Variants in RAP1GAP observed in about 807,000 individuals in gnomAD.
RAP1GAP encodes the protein rap1 GTPase-activating protein 1.
RAP1GAP carries 35 observed loss-of-function variants against 87.2 expected under a neutral mutation model. The ratio of observed to expected loss-of-function variants is 0.40; its 90% CI spans 0.31 to 0.53. RAP1GAP has a LOEUF of 0.53. RAP1GAP is among the 20% of genes least tolerant of loss of function. RAP1GAP has a pLI of 0.48. For synonymous variants in RAP1GAP, 375 were observed against 363.9 expected (o/e 1.03, Z -0.35); for missense variants, 734 against 898.9 (o/e 0.82, Z 2.35).
chr1:21,626,609 G>C (rs937466076), intron 2 of RAP1GAP, among the ~76,000 whole-genome samples: 1 of 152,174 alleles, frequency 6.6e-6, no homozygotes, highest in African/African-American at 2.4e-5. Flanking sequence ...GACGTGGACA[G>C]GGTCTCTCCC....
chr1:21,608,437 C>T (rs959909404), intron 16 of RAP1GAP, 87 bp from the exon 17 acceptor site: 3 of 1,517,322 alleles, frequency 2.0e-6, no homozygotes, highest in Admixed American at 2.0e-5. Context: ...TTCTGAGGCA[C>T]GGGCCACCTT....
intron 1 of RAP1GAP, among the ~76,000 whole-genome samples, chr1:21,667,089 C>T (rs546312207): frequency 6.6e-6 from 1 of 152,220 alleles, no homozygotes; most frequent in Admixed American, 6.5e-5. Context: ...GCTCAGGTCT[C>T]GGTTGTTTGC....
chr1:21,608,247 C>T lies in RAP1GAP; in HGVS notation c.1262G>A (p.Gly421Asp). 1 of 1,614,118 alleles carries T rather than the reference C, an allele frequency of 6.2e-7. No individual in the cohort carries two copies. Among genetic ancestry groups the T allele is most frequent in the South Asian group, 1.1e-5 (1 of 91,074 alleles). The stretch of plus-strand genomic sequence containing the variant: ...CTCAAAGAAGCCGCCGCCCCCACTG[C>T]CATTCTCCATCTTGTCCTCGTCGCC... Reference protein sequence around the residue: ...LGGDEDKMENGSGGGGFFESF... With the variant: ...LGGDEDKMENDSGGGGFFESF... Residue 421 changes from glycine (G) to aspartate (D), a missense_variant, in exon 17 of 25, where the codon GGC becomes GAC. This residue lies in a region of RAP1GAP where 485 missense variants were observed against 646.2 expected (regional missense o/e 0.75). Coordinates refer to ENST00000374765, the MANE Select transcript of RAP1GAP (RefSeq NM_002885.4).
chr1:21,669,140 C>G lies in RAP1GAP; in HGVS notation c.-149+114G>C. 1 of 1,137,562 alleles carries G rather than the reference C, an allele frequency of 8.8e-7. No individual in the cohort carries two copies. The highest frequency in any genetic ancestry group is 1.1e-6 in the Non-Finnish European group (1 of 904,628). 70.5% of individuals were successfully genotyped at this position (1,137,562 alleles called of 1,614,324 possible). ...ACCCGGGTCCCCCACGCGTTCGCCC[C>G]CACCCTCCGTCCCCGCCCGCCCGCG... On this transcript the variant is annotated intron_variant, in intron 1 of 24. Transcript: ENST00000374765. The surrounding 1 kb of genome is among the most constrained non-coding windows in gnomAD (Gnocchi z 5.6).
chr1:21,613,767 AC>A lies in RAP1GAP; in HGVS notation c.396-62del, dbSNP rs1182346451. On this transcript the variant is annotated intron_variant, in intron 8 of 24. Transcript: ENST00000374765. This position sits in a 1 kb window ranked among gnomAD's most constrained non-coding sequence, Gnocchi z 4.7. ...AGCAGGACAGGAAAATGGGAACCCC[AC>A]CCCCCACAAAGTAAGGCCAGAAGGG... 5 of 1,493,440 alleles carry A rather than the reference AC, an allele frequency of 3.3e-6. No homozygotes were observed. The highest frequency in any genetic ancestry group is 2.8e-5 in the African/African-American group (2 of 72,416). 92.5% of individuals were successfully genotyped at this position (1,493,440 alleles called of 1,614,324 possible).
rs1236523415 is a variant in RAP1GAP at position 21,634,091 on chromosome 1, T to C, written c.-112-7694A>G. 1.3e-5 allele frequency among the ~76,000 whole-genome samples: 2 copies of C among 151,524 alleles called. No individual in the cohort carries two copies. The highest frequency in any genetic ancestry group is 4.9e-5 in the African/African-American group (2 of 41,154). ...GGGGGGGGCCACAGAAGCCCATTGT[T>C]TTCTGAGCTCAACCAGCCGGCACTG... On this transcript the variant is annotated intron_variant, in intron 2 of 24. Transcript: ENST00000374765. The surrounding 1 kb of genome is among the most constrained non-coding windows in gnomAD (Gnocchi z 4.1).
chr1:21,653,675 TAGC>T (rs573247587), intron 1 of RAP1GAP, among the ~76,000 whole-genome samples: 4 of 150,186 alleles, frequency 2.7e-5, no homozygotes, highest in Non-Finnish European at 5.9e-5. Flanking sequence ...TCCTAAGTAG[TAGC>T]AGCAGCAGCA....
chr1:21,598,631 G>C, intron 21 of RAP1GAP, 129 bp from the exon 22 acceptor site: 1 of 749,912 alleles, frequency 1.3e-6, no homozygotes, highest in Non-Finnish European at 2.2e-6. Context: ...AGGAGGACGG[G>C]CCTAGCCATG....
intron 5 of RAP1GAP, 24 bp from the exon 6 acceptor site, chr1:21,617,996 G>A: frequency 6.2e-7 from 1 of 1,613,994 alleles, no homozygotes; most frequent in Non-Finnish European, 8.5e-7. Context: ...ACAGGGCAAG[G>A]GTCTCTCCAT....
At chr1:21,664,508 C>G (rs1198390733) in intron 1 of RAP1GAP, among the ~76,000 whole-genome samples, 1 of 152,218 alleles carries the variant, frequency 6.6e-6, no homozygotes, top group Non-Finnish European at 1.5e-5. Flanking sequence ...ACCCCCAGCC[C>G]TTGCCCACGC....
intron 7 of RAP1GAP, among the ~76,000 whole-genome samples, chr1:21,616,692 T>C (rs2082390160): frequency 6.6e-6 from 1 of 152,226 alleles, no homozygotes; most frequent in Non-Finnish European, 1.5e-5. Context: ...GGGTCCCTGC[T>C]CTGTGCTGGT....
In RAP1GAP at chr1:21,660,345, A is replaced by ATATATATTTATT; in HGVS notation, c.-149+8908_-149+8909insAATAAATATATA. On this transcript the variant is annotated intron_variant, in intron 1 of 24. Coordinates refer to ENST00000374765, the MANE Select transcript of RAP1GAP (RefSeq NM_002885.4). ...AGAGTGGGTTCCAACTCAGCTATATATATTTATTGAGACAGTCTCGCTCTG... is the reference window on the plus strand; with the variant it reads ...AGAGTGGGTTCCAACTCAGCTATATATATATATTTATTTATTTATTGAGACAGTCTCGCTCTG... 2.2e-5 allele frequency among the ~76,000 whole-genome samples: 2 copies of ATATATATTTATT among 92,636 alleles called. 1 individual carries two copies. The highest frequency in any genetic ancestry group is 1.1e-3 in the East Asian group (2 of 1,898). 60.8% of individuals were successfully genotyped at this position (92,636 alleles called of 152,430 possible).
At chr1:21,599,446 C>G in intron 21 of RAP1GAP, 48 bp downstream of exon 21, 1 of 1,572,686 alleles carries the variant, frequency 6.4e-7, no homozygotes, top group Non-Finnish European at 8.6e-7. Flanking sequence ...GACCAAAGAG[C>G]CCCCTTCCAA....
At chr1:21,605,608 C>T (rs529965442) in intron 18 of RAP1GAP, among the ~76,000 whole-genome samples, 1 of 151,768 alleles carries the variant, frequency 6.6e-6, no homozygotes, top group South Asian at 2.1e-4. Context: ...TCACAGAGTG[C>T]ATGTCCACAC....
rs568071191 is a variant in RAP1GAP at position 21,601,674 on chromosome 1, G to A, written c.1652+10C>T. On this transcript the variant is annotated intron_variant, in intron 20 of 24. Coordinates refer to ENST00000374765, the MANE Select transcript of RAP1GAP (RefSeq NM_002885.4). ...CAAGCCCCCAAGCCCCACGTGCCCTGAGCCCCAACCTGTTCTTGGTCGTGG... is the reference window on the plus strand; with the variant it reads ...CAAGCCCCCAAGCCCCACGTGCCCTAAGCCCCAACCTGTTCTTGGTCGTGG... 6.9e-6 allele frequency: 11 copies of A among 1,587,414 alleles called. No homozygotes were observed. The highest frequency in any genetic ancestry group is 2.2e-5 in the East Asian group (1 of 44,452).
chr1:21,633,252 A>G (rs533417549), intron 2 of RAP1GAP, among the ~76,000 whole-genome samples: 2 of 152,078 alleles, frequency 1.3e-5, no homozygotes, highest in African/African-American at 2.4e-5. Context: ...CAGTGGGTCC[A>G]GCCCCTGCTG....
intron 1 of RAP1GAP, among the ~76,000 whole-genome samples, chr1:21,653,669 A>AAGT (rs1390007728): frequency 6.7e-6 from 1 of 149,510 alleles, no homozygotes; most frequent in Non-Finnish European, 1.5e-5. Flanking sequence ...CCTCCTTCCT[A>AAGT]AGTAGTAGCA....
intron 3 of RAP1GAP, among the ~76,000 whole-genome samples, chr1:21,623,776 C>T (rs1252584348): frequency 2.0e-5 from 3 of 152,260 alleles, no homozygotes; most frequent in Non-Finnish European, 4.4e-5. Flanking sequence ...CTGAATGCTT[C>T]CGGGCACCCA....
chr1:21,619,068 C>A lies in RAP1GAP; in HGVS notation c.23G>T (p.Ser8Ile). 6.3e-7 allele frequency: 1 copy of A among 1,599,198 alleles called. No individual in the cohort carries two copies. Among genetic ancestry groups the A allele is most frequent in the South Asian group, 1.1e-5 (1 of 88,542 alleles). The change falls in exon 5 of 25, where the codon AGC becomes ATC. Residue 8 changes from serine to isoleucine, a missense_variant. Transcript: ENST00000374765. MIEKMQG[S>I]RMDEQRCSFP... is the part of the protein sequence containing the mutation. ...GGAGCAGCGTTGTTCATCCATCCTG[C>A]TTCCCTGTAAGAGAAGGCAGCACTG... is the stretch of plus-strand genomic sequence containing the variant.
Sources: gnomAD v4.1 joint callset for allele counts (sites outside exome capture counted in the v4.1 genomes callset) on GRCh38, gnomAD v4.1.1 for gene constraint, gnomAD v4.1.1 regional missense constraint, Gnocchi (gnomAD v3.1) non-coding constraint, MANE v1.5 for transcripts, NCBI Gene and HGNC (gene_info 2026-07-23, HGNC 2026-07-21) for gene names.